NRXN3: variants seen among roughly 807,000 people sequenced by gnomAD.
NRXN3 encodes neurexin 3.
NRXN3 carries 32 observed loss-of-function variants against 137.6 expected under a neutral mutation model. That is an observed-to-expected ratio of 0.23 (90% CI 0.18 to 0.31). The LOEUF (loss-of-function observed/expected upper bound fraction) is 0.31. NRXN3 is among the 10% of genes least tolerant of loss of function. The probability of loss-of-function intolerance (pLI) is 1.00; values close to 1 mark genes in which losing one functional copy is unlikely to be tolerated. For missense variants in NRXN3, 1,574 were observed against 2,062.5 expected (o/e 0.76, Z 4.59); for synonymous variants, 798 against 784.5 (o/e 1.02, Z -0.29).
intron 16 of NRXN3, among the ~76,000 whole-genome samples, chr14:79,646,678 C>T (rs1244645031): frequency 7.4e-6 from 1 of 135,290 alleles, no homozygotes; most frequent in Non-Finnish European, 1.7e-5. Context: ...TCTGTGGTGG[C>T]AGGATTGTCT....
At chr14:79,173,530 CAAA>C (rs57188919) in intron 15 of NRXN3, among the ~76,000 whole-genome samples, 26 of 90,978 alleles carry the variant, frequency 2.9e-4, no homozygotes, top group South Asian at 7.9e-4. Flanking sequence ...GACCTTGTCT[CAAA>C]AAAAAAAAAA....
chr14:78,174,891 G>T (rs1187708509), intron 1 of NRXN3, among the ~76,000 whole-genome samples: 1 of 152,188 alleles, frequency 6.6e-6, no homozygotes, highest in Non-Finnish European at 1.5e-5. Flanking sequence ...AGGGGGAGAA[G>T]GGGATGAGGT....
At chr14:79,711,014 T>C (rs2098801889) in intron 19 of NRXN3, among the ~76,000 whole-genome samples, 1 of 152,234 alleles carries the variant, frequency 6.6e-6, no homozygotes, top group African/African-American at 2.4e-5. Flanking sequence ...CAGCCATCTA[T>C]ATTTACAGAG....
chr14:78,947,775 T>C (rs2099369658), intron 10 of NRXN3, among the ~76,000 whole-genome samples: 1 of 152,164 alleles, frequency 6.6e-6, no homozygotes, highest in African/African-American at 2.4e-5. Flanking sequence ...CTGCCTTCTG[T>C]ACTCTGTGGG....
intron 4 of NRXN3, among the ~76,000 whole-genome samples, chr14:78,301,927 C>T (rs2076913087): frequency 6.6e-6 from 1 of 152,112 alleles, no homozygotes; most frequent in African/African-American, 2.4e-5. Flanking sequence ...CATGGGGAAC[C>T]CTTACCCCAT....
At chr14:79,729,253 G>A (rs2098911925) in intron 19 of NRXN3, among the ~76,000 whole-genome samples, 1 of 152,200 alleles carries the variant, frequency 6.6e-6, no homozygotes. Flanking sequence ...AAATCAAGAA[G>A]TTAGTGATCT....
chr14:78,632,005 T>C (rs917521522), intron 4 of NRXN3, among the ~76,000 whole-genome samples: 2 of 151,394 alleles, frequency 1.3e-5, no homozygotes, highest in Admixed American at 6.6e-5. Flanking sequence ...TCCCACCTTC[T>C]CAGGCGGCTG....
intron 15 of NRXN3, among the ~76,000 whole-genome samples, chr14:79,059,839 G>A (rs1298361014): frequency 1.3e-5 from 2 of 152,190 alleles, no homozygotes; most frequent in African/African-American, 2.4e-5. Flanking sequence ...TGAACAGAGG[G>A]AGAGATTCAA....
intron 15 of NRXN3, among the ~76,000 whole-genome samples, chr14:79,198,888 C>A (rs1472586374): frequency 6.6e-6 from 1 of 152,176 alleles, no homozygotes; most frequent in Non-Finnish European, 1.5e-5. Context: ...GCAAAACTGG[C>A]CAGGTGCGGT....
chr14:79,403,959 C>T (rs570202947), intron 15 of NRXN3, among the ~76,000 whole-genome samples: 2 of 152,278 alleles, frequency 1.3e-5, no homozygotes, highest in East Asian at 3.9e-4. Context: ...GATTGCATTA[C>T]TGGGCTCTTA....
chr14:78,718,086 C>A (rs758055244), intron 8 of NRXN3, among the ~76,000 whole-genome samples: 1 of 152,088 alleles, frequency 6.6e-6, no homozygotes, highest in Non-Finnish European at 1.5e-5. Flanking sequence ...ATTAAGGAGC[C>A]CTGCCCCATT....
chr14:78,289,096 C>G (rs1374304347), intron 3 of NRXN3, among the ~76,000 whole-genome samples: 2 of 152,190 alleles, frequency 1.3e-5, no homozygotes. Flanking sequence ...CAGGATCTCT[C>G]TCTTCTGAGT....
At chr14:78,304,726 C>T (rs371188736) in intron 4 of NRXN3, among the ~76,000 whole-genome samples, 49 of 152,224 alleles carry the variant, frequency 3.2e-4, no homozygotes, top group Admixed American at 6.5e-4. Flanking sequence ...AAGAAGTAGA[C>T]CTGGAGATAA....
chr14:79,045,193 A>T (rs1256500338), intron 15 of NRXN3, among the ~76,000 whole-genome samples: 2 of 152,108 alleles, frequency 1.3e-5, no homozygotes, highest in Non-Finnish European at 2.9e-5. Flanking sequence ...TTGAGGGGGC[A>T]CCGGCTCAGT....
At chr14:79,617,932 AC>A (rs2098179168) in intron 16 of NRXN3, among the ~76,000 whole-genome samples, 1 of 150,966 alleles carries the variant, frequency 6.6e-6, no homozygotes, top group South Asian at 2.1e-4. Flanking sequence ...AAAAAAAAAA[AC>A]ATGCTTATGA....
intron 15 of NRXN3, among the ~76,000 whole-genome samples, chr14:79,262,398 AAGG>A (rs547069633): frequency 1.3e-3 from 196 of 151,662 alleles, no homozygotes; most frequent in African/African-American, 4.2e-3. Flanking sequence ...AGGAAGAAGA[AAGG>A]AGGAGGAGGA....
chr14:79,174,501 T>TTATACATATA (rs148858393), intron 15 of NRXN3, among the ~76,000 whole-genome samples: 1 of 143,512 alleles, frequency 7.0e-6, no homozygotes. Flanking sequence ...ATTGAAAGTT[T>TTATACATATA]TATATATATA....
chr14:78,218,341 G>T (rs2063500960), intron 1 of NRXN3, among the ~76,000 whole-genome samples: 1 of 152,176 alleles, frequency 6.6e-6, no homozygotes, highest in African/African-American at 2.4e-5. Flanking sequence ...GGGCAACAAA[G>T]AAAGACCCTA....
intron 4 of NRXN3, among the ~76,000 whole-genome samples, chr14:78,389,652 A>G (rs2090494733): frequency 6.6e-6 from 1 of 152,110 alleles, no homozygotes; most frequent in Non-Finnish European, 1.5e-5. Context: ...GTTGCTTGGT[A>G]TTATAAATAC....
Sources: allele counts gnomAD v4.1 joint callset (sites outside exome capture counted in the v4.1 genomes callset), GRCh38; gene constraint gnomAD v4.1.1; transcripts MANE v1.5; gene names NCBI Gene and HGNC (gene_info 2026-07-23, HGNC 2026-07-21).